The following MLLT3 variants were observed in gnomAD, a reference collection of about 807,000 sequenced individuals.
MLLT3 encodes MLLT3 super elongation complex subunit.
A neutral mutation model predicts 53.2 loss-of-function variants in MLLT3; 4 were observed. The ratio of observed to expected loss-of-function variants is 0.08; its 90% CI spans 0.04 to 0.17. The LOEUF (loss-of-function observed/expected upper bound fraction) is 0.17. Among genes scored for constraint, MLLT3 ranks in the 10% least tolerant of loss-of-function variants. The pLI is 1.00. For missense variants in MLLT3, 569 were observed against 684.0 expected (o/e 0.83, Z 1.87); for synonymous variants, 283 against 230.6 (o/e 1.23, Z -2.06).
chr9:20,372,219 A>G (rs961963824), intron 5 of MLLT3, among the ~76,000 whole-genome samples: 5 of 152,186 alleles, frequency 3.3e-5, no homozygotes, highest in Non-Finnish European at 5.9e-5. Context: ...CATTGTTGAA[A>G]CGACAATAAA....
At chr9:20,454,593 A>G (rs1271006888) in intron 3 of MLLT3, among the ~76,000 whole-genome samples, 1 of 152,324 alleles carries the variant, frequency 6.6e-6, no homozygotes, top group East Asian at 1.9e-4. Context: ...ATAATTGCCT[A>G]TTCTTTAATT....
chr9:20,535,988 A>T (rs1818474491), intron 2 of MLLT3, among the ~76,000 whole-genome samples: 1 of 152,188 alleles, frequency 6.6e-6, no homozygotes, highest in South Asian at 2.1e-4. Flanking sequence ...CTTATTAAAT[A>T]TAAAGTAGCT....
chr9:20,566,740 C>G (rs1165692464), intron 2 of MLLT3, among the ~76,000 whole-genome samples: 1 of 151,998 alleles, frequency 6.6e-6, no homozygotes, highest in African/African-American at 2.4e-5. Context: ...CAAGGAGAAA[C>G]ACATGTCTGT....
chr9:20,566,063 T>C (rs1819368730), intron 2 of MLLT3, among the ~76,000 whole-genome samples: 1 of 78,996 alleles, frequency 1.3e-5, no homozygotes, highest in African/African-American at 3.5e-5. Context: ...TTTATATATA[T>C]ATTTGTGTAT....
At chr9:20,351,688 C>T in intron 10 of MLLT3, among the ~76,000 whole-genome samples, 1 of 152,174 alleles carries the variant, frequency 6.6e-6, no homozygotes, top group Non-Finnish European at 1.5e-5. Context: ...TAGATGTGAT[C>T]CTGGGCCCAC....
chr9:20,451,332 T>C (rs1441886242), intron 3 of MLLT3, among the ~76,000 whole-genome samples: 3 of 152,164 alleles, frequency 2.0e-5, no homozygotes, highest in African/African-American at 7.2e-5. Context: ...AAATATATAC[T>C]CCTATACACT....
At chr9:20,491,332 TGA>T (rs952779258) in intron 2 of MLLT3, among the ~76,000 whole-genome samples, 5 of 152,012 alleles carry the variant, frequency 3.3e-5, no homozygotes, top group African/African-American at 1.2e-4. Flanking sequence ...AAAAACCATG[TGA>T]GAGAGTTTTT....
At chr9:20,371,536 G>A (rs577864027) in intron 5 of MLLT3, among the ~76,000 whole-genome samples, 8 of 152,294 alleles carry the variant, frequency 5.3e-5, no homozygotes, top group Non-Finnish European at 8.8e-5. Flanking sequence ...CTTTGCCTGC[G>A]CTATAGGAAT....
chr9:20,450,770 T>G (rs1377522139), intron 3 of MLLT3, among the ~76,000 whole-genome samples: 2 of 152,198 alleles, frequency 1.3e-5, no homozygotes, highest in African/African-American at 2.4e-5. Flanking sequence ...AATTATCACA[T>G]TTAGTTATGA....
At chr9:20,618,334 T>G (rs1376748715) in intron 2 of MLLT3, among the ~76,000 whole-genome samples, 1 of 152,212 alleles carries the variant, frequency 6.6e-6, no homozygotes, top group Non-Finnish European at 1.5e-5. Context: ...TTTGAAAGAC[T>G]TTATAAGCCA....
At chr9:20,469,550 C>T (rs1449479172) in intron 2 of MLLT3, among the ~76,000 whole-genome samples, 2 of 151,898 alleles carry the variant, frequency 1.3e-5, no homozygotes, top group Non-Finnish European at 2.9e-5. Flanking sequence ...ATGCCCTATT[C>T]AAGGAGATGA....
intron 3 of MLLT3, among the ~76,000 whole-genome samples, chr9:20,450,878 A>G (rs1823823646): frequency 6.6e-6 from 1 of 152,234 alleles, no homozygotes; most frequent in African/African-American, 2.4e-5. Context: ...TGTAACTGGG[A>G]GCATAAACTG....
At chr9:20,565,226 C>A (rs1313337707) in intron 2 of MLLT3, among the ~76,000 whole-genome samples, 1 of 151,752 alleles carries the variant, frequency 6.6e-6, no homozygotes, top group African/African-American at 2.4e-5. Flanking sequence ...ACAAGATTAT[C>A]TTCTGTAAGT....
rs1168906724 is a variant in MLLT3 at position 20,346,250 on chromosome 9, C to T, written c.*193G>A. 6 of 576,868 alleles carry T rather than the reference C, an allele frequency of 1.0e-5. No individual in the cohort carries two copies. Among genetic ancestry groups the T allele is most frequent in the Non-Finnish European group, 1.1e-5 (4 of 353,192 alleles). 35.7% of individuals were successfully genotyped at this position (576,868 alleles called of 1,614,324 possible). A position where few individuals can be genotyped will look rare whatever the true frequency, so the allele number is the denominator to read the frequency against. The stretch of plus-strand genomic sequence containing the variant: ...TGAGGCTGGTTTGCTTTAACCTCTC[C>T]TTTATCAAGAGATGATGACTGGCTT... On this transcript the variant is annotated 3_prime_UTR_variant, in exon 11 of 11. Transcript: ENST00000380338.
intron 5 of MLLT3, among the ~76,000 whole-genome samples, chr9:20,404,293 G>C (rs577621286): frequency 6.6e-6 from 1 of 152,228 alleles, no homozygotes; most frequent in East Asian, 1.9e-4. Flanking sequence ...CTGCAGTTTT[G>C]CCTCCCAATC....
chr9:20,461,002 A>T (rs1319581400), intron 2 of MLLT3, among the ~76,000 whole-genome samples: 1 of 152,156 alleles, frequency 6.6e-6, no homozygotes, highest in Non-Finnish European at 1.5e-5. Flanking sequence ...CTAATATTCA[A>T]CAGCCGTAAA....
intron 4 of MLLT3, among the ~76,000 whole-genome samples, chr9:20,421,310 A>G (rs1823002983): frequency 6.6e-6 from 1 of 152,066 alleles, no homozygotes; most frequent in Admixed American, 6.6e-5. Flanking sequence ...AAATCAAAAG[A>G]AAACAATGAA....
chr9:20,602,761 TACACACACACACAC>T (rs3086486), intron 2 of MLLT3, among the ~76,000 whole-genome samples: 6 of 147,184 alleles, frequency 4.1e-5, no homozygotes, highest in South Asian at 2.2e-4. Flanking sequence ...TTAAGTTTGA[TACACACACACACAC>T]ACACACACAC....
intron 2 of MLLT3, among the ~76,000 whole-genome samples, chr9:20,575,613 CAT>C (rs796249721): frequency 6.6e-6 from 1 of 152,230 alleles, no homozygotes; most frequent in South Asian, 2.1e-4. Flanking sequence ...CGTGTATCTC[CAT>C]CGAGCTCTTG....
Sources: allele counts gnomAD v4.1 joint callset (sites outside exome capture counted in the v4.1 genomes callset), GRCh38; gene constraint gnomAD v4.1.1; transcripts MANE v1.5; gene names NCBI Gene and HGNC (gene_info 2026-07-23, HGNC 2026-07-21).